The following INTS8 variants were observed in gnomAD, a reference collection of about 807,000 sequenced individuals.
INTS8 encodes the protein protein kaonashi-1.
Under a neutral mutation model 138.9 loss-of-function variants are expected in INTS8, and 47 were observed. The observed-to-expected ratio is 0.34, with a 90% CI of 0.27 to 0.43. The LOEUF (loss-of-function observed/expected upper bound fraction) is 0.43. Ranked by LOEUF, INTS8 falls within the 20% of genes least tolerant of loss-of-function variation. INTS8 has a pLI of 1.00. For synonymous variants in INTS8, 392 were observed against 400.9 expected (o/e 0.98, Z 0.27); for missense variants, 996 against 1,173.0 (o/e 0.85, Z 2.20).
chr8:94,873,607 C>CA (rs1816478003), intron 22 of INTS8, 130 bp downstream of exon 22: 1 of 662,448 alleles, frequency 1.5e-6, no homozygotes, highest in African/African-American at 1.8e-5. Flanking sequence ...CTCTAGAACA[C>CA]ATTGCTCTGT....
chr8:94,865,506 C>G lies in INTS8; in HGVS notation c.2077C>G (p.Leu693Val), dbSNP rs1816147465. The change falls in exon 17 of 27, where the codon CTT (leucine) becomes GTT (valine). Residue 693 changes from leucine (L) to valine (V), a missense_variant and splice_region_variant. Physicochemically the swap from Leu to Val is conservative, Grantham distance 32 (BLOSUM62 1). Transcript: ENST00000523731. Reference protein sequence around the residue: ...FLLQSNPYVKLGQLLAATCKE... With the variant: ...FLLQSNPYVKVGQLLAATCKE... ...GTGTATTTTGTTTTTCATGTTATAG[C>G]TTGGACAGCTTTTAGCAGCTACATG... is the stretch of plus-strand genomic sequence containing the variant. 2 of 1,611,892 alleles carry G rather than the reference C, an allele frequency of 1.2e-6. No homozygotes were observed. Among genetic ancestry groups the G allele is most frequent in the Non-Finnish European group, 8.5e-7 (1 of 1,178,732 alleles).
At chr8:94,877,861 A>AT (rs1335826050) in intron 26 of INTS8, among the ~76,000 whole-genome samples, 1 of 151,954 alleles carries the variant, frequency 6.6e-6, no homozygotes, top group Non-Finnish European at 1.5e-5. Flanking sequence ...GTTTTGTGAC[A>AT]TTTTTTTCCC....
chr8:94,876,339 A>G, intron 25 of INTS8, 54 bp downstream of exon 25: 5 of 1,479,530 alleles, frequency 3.4e-6, no homozygotes, highest in Middle Eastern at 1.9e-4. Context: ...TATAAATTAA[A>G]GGAATATTTA....
intron 6 of INTS8, among the ~76,000 whole-genome samples, chr8:94,835,116 G>T (rs1335470883): frequency 6.6e-6 from 1 of 152,178 alleles, no homozygotes. Context: ...GGGAGTAATT[G>T]AAGTCTTCTT....
chr8:94,869,010 T>G (rs1816287629), intron 20 of INTS8, among the ~76,000 whole-genome samples: 1 of 140,654 alleles, frequency 7.1e-6, no homozygotes, highest in Non-Finnish European at 1.6e-5. Context: ...GAGGCAGAGT[T>G]TTGCTTTTGT....
rs1816574109 is a variant in INTS8, at chr8:94,876,618, T to G, written c.2871+129T>G. The G allele has an allele frequency of 9.1e-6, 5 of 548,456 alleles. No homozygotes were observed. The East Asian group carries it at 1.5e-4, about 17-fold the overall frequency. The allele number at this position is 548,456 out of a possible 1,614,324, so 34.0% of individuals were successfully genotyped here. A position where few individuals can be genotyped will look rare whatever the true frequency, so the allele number is the denominator to read the frequency against. ...CCAGAATTTTATTATCAGTGTTTAC[T>G]TTATAAAAGATCCTTTTTTGATAAT... On this transcript the variant is annotated intron_variant, in intron 26 of 26. Coordinates refer to ENST00000523731, the MANE Select transcript of INTS8 (RefSeq NM_017864.4).
intron 6 of INTS8, among the ~76,000 whole-genome samples, chr8:94,835,555 T>C (rs1814892639): frequency 6.6e-6 from 1 of 152,096 alleles, no homozygotes. Flanking sequence ...CCCTCTCCTG[T>C]GTTAGAAAAT....
intron 13 of INTS8, among the ~76,000 whole-genome samples, chr8:94,852,696 C>T (rs749044136): frequency 1.3e-5 from 2 of 151,874 alleles, no homozygotes; most frequent in Admixed American, 1.3e-4. Context: ...TCAAGCAATT[C>T]TCCTTCCTCA....
chr8:94,846,078 G>A (rs1014516892), intron 10 of INTS8, among the ~76,000 whole-genome samples: 1 of 152,050 alleles, frequency 6.6e-6, no homozygotes, highest in African/African-American at 2.4e-5. Flanking sequence ...TTTTTAAATA[G>A]TTCTTAAAAT....
In INTS8 at chr8:94,880,307, A is replaced by G. The variant is rs1302592062; in HGVS notation, c.*73A>G. ...TAAACAGTATTAAAAGGTTAAGTTT[A>G]TATAATACATATGTACACAATTAGT... is the stretch of plus-strand genomic sequence containing the variant. On this transcript the variant is annotated 3_prime_UTR_variant, in exon 27 of 27. Transcript: ENST00000523731. 1 of 735,670 alleles carries G rather than the reference A, an allele frequency of 1.4e-6. No homozygotes were observed. Among genetic ancestry groups the G allele is most frequent in the Non-Finnish European group, 2.3e-6 (1 of 437,396 alleles). 45.6% of individuals were successfully genotyped at this position (735,670 alleles called of 1,614,324 possible).
Position 94,868,980 on chromosome 8 carries a change from A to ATT in INTS8, c.2414+1661_2414+1662dup, listed in dbSNP as rs765235187. The stretch of plus-strand genomic sequence containing the variant: ...AGCCACCATGCCCACCCAGTTTTGG[A>ATT]TTTTTTTTTTTTTTTTTTTGAGGCA... On this transcript the variant is annotated intron_variant, in intron 20 of 26. Coordinates refer to ENST00000523731, the MANE Select transcript of INTS8 (RefSeq NM_017864.4). Among the ~76,000 whole-genome samples, 527 of 106,786 alleles carry ATT rather than the reference A, an allele frequency of 4.9e-3. 7 individuals are homozygous for ATT. In the Middle Eastern group the frequency reaches 0.06, roughly 12 times the overall value. The allele number at this position is 106,786 out of a possible 152,430, so 70.1% of individuals were successfully genotyped here. A position where few individuals can be genotyped will look rare whatever the true frequency, so the allele number is the denominator to read the frequency against.
intron 10 of INTS8, among the ~76,000 whole-genome samples, chr8:94,845,425 C>T (rs919926286): frequency 3.3e-5 from 5 of 152,128 alleles, no homozygotes; most frequent in African/African-American, 1.2e-4. Flanking sequence ...TTATTATGTC[C>T]ATGTCCTGAT....
intron 9 of INTS8, 84 bp from the exon 10 acceptor site, chr8:94,842,263 C>A: frequency 1.2e-6 from 1 of 830,862 alleles, no homozygotes. Context: ...ATAAATGGCT[C>A]ATTCTTGTGA....
At position 94,836,145 on chromosome 8, in the gene INTS8, C is replaced by T. The variant is rs74739046; in HGVS notation, c.754-379C>T. Among the ~76,000 whole-genome samples, 1,061 of 152,234 alleles carry T rather than the reference C, an allele frequency of 7.0e-3. 12 individuals are homozygous for T. The highest frequency in any genetic ancestry group is 0.024 in the African/African-American group (1,005 of 41,550). On this transcript the variant is annotated intron_variant, in intron 6 of 26. Transcript: ENST00000523731. Reference sequence around the variant, plus strand: ...AGCACTTGCAGGAGTGTAGCTGCTGCTTTCAGGGTCTGGTCCGGGTGGCTA... The same window carrying T: ...AGCACTTGCAGGAGTGTAGCTGCTGTTTTCAGGGTCTGGTCCGGGTGGCTA...
chr8:94,870,702 AT>A (rs1816364745), intron 20 of INTS8, among the ~76,000 whole-genome samples: 1 of 152,210 alleles, frequency 6.6e-6, no homozygotes. Context: ...CCCACAATTC[AT>A]TTTCCACTGT....
intron 21 of INTS8, 73 bp from the exon 22 acceptor site, chr8:94,873,301 C>CT: frequency 1.0e-6 from 1 of 980,370 alleles, no homozygotes; most frequent in South Asian, 1.3e-5. Flanking sequence ...GAAGTTACAC[C>CT]TGACTCTTTA....
intron 10 of INTS8, among the ~76,000 whole-genome samples, chr8:94,845,617 C>T (rs1032013530): frequency 6.6e-6 from 1 of 152,198 alleles, no homozygotes; most frequent in Non-Finnish European, 1.5e-5. Context: ...CACGCGCCAC[C>T]ATGCCTGGCT....
At chr8:94,879,878 A>G (rs1479706983) in intron 26 of INTS8, 1 of 282,882 alleles carries the variant, frequency 3.5e-6, no homozygotes, top group Non-Finnish European at 6.6e-6. Context: ...TACTTAATAT[A>G]TTAAAATGCC....
chr8:94,860,974 A>G (rs370871206), intron 16 of INTS8, among the ~76,000 whole-genome samples: 199 of 148,302 alleles, frequency 1.3e-3, no homozygotes, highest in African/African-American at 2.8e-3. Context: ...GGAGAATGGC[A>G]TGAACCCGGG....
Sources: gnomAD v4.1 joint callset for allele counts (sites outside exome capture counted in the v4.1 genomes callset) on GRCh38, gnomAD v4.1.1 for gene constraint, MANE v1.5 for transcripts, NCBI Gene and HGNC (gene_info 2026-07-23, HGNC 2026-07-21) for gene names.